The following GSTP1 variants were observed in gnomAD, a reference collection of about 807,000 sequenced individuals.
GSTP1 encodes glutathione S-transferase pi 1, also known as glutathione S-transferase P.
A neutral mutation model predicts 29.4 loss-of-function variants in GSTP1; 28 were observed. That is an observed-to-expected ratio of 0.95 (90% CI 0.71 to 1.30). GSTP1 has a LOEUF of 1.30. Ranked by LOEUF, GSTP1 falls within the 50% of genes most tolerant of loss-of-function variation. The pLI, the probability that GSTP1 is intolerant of heterozygous loss-of-function variation, is 0.00. For synonymous variants in GSTP1, 122 were observed against 117.0 expected, an observed-to-expected ratio of 1.04 and a Z score of -0.28; for missense variants, 267 against 266.1, an observed-to-expected ratio of 1.00 and a Z score of -0.02.
Position 67,586,045 on chromosome 11 carries a change from G to A in GSTP1, c.337-59G>A. On this transcript the variant is annotated intron_variant, in intron 5 of 6. Transcript: ENST00000398606. ...TCTGGTGTCTGGCCTGGGGCAGACG[G>A]GGGTGTCTCAGGGGCTGGGAGGGAT... 2.3e-6 allele frequency: 3 copies of A among 1,284,302 alleles called. No homozygotes were observed. In the South Asian group the frequency reaches 3.6e-5, roughly 16 times the overall value. 79.6% of individuals were successfully genotyped at this position (1,284,302 alleles called of 1,614,324 possible). A position where few individuals can be genotyped will look rare whatever the true frequency, so the allele number is the denominator to read the frequency against.
At position 67,586,625 on chromosome 11, in the gene GSTP1, C is replaced by T; in HGVS notation, c.*48C>T. On this transcript the variant is annotated 3_prime_UTR_variant, in exon 7 of 7. Transcript: ENST00000398606. ...GAGGCAGAGTTTGCCTTCCTTTCTC[C>T]AGGACCAATAAAATTTCTAAGAGAG... is the stretch of plus-strand genomic sequence containing the variant. 1 of 1,492,614 alleles carries T rather than the reference C, an allele frequency of 6.7e-7. No homozygotes were observed. The highest frequency in any genetic ancestry group is 9.2e-7 in the Non-Finnish European group (1 of 1,089,422). The allele number at this position is 1,492,614 out of a possible 1,614,324, so 92.5% of individuals were successfully genotyped here.
Position 67,584,175 on chromosome 11 carries a change from A to T in GSTP1, c.37+6A>T, listed in dbSNP as rs1867425908. On this transcript the variant is annotated splice_donor_region_variant and intron_variant, in intron 2 of 6. Coordinates refer to ENST00000398606, the MANE Select transcript of GSTP1 (RefSeq NM_000852.4). ...GGTCTATTTCCCAGTTCGAGGTAGG[A>T]GCATGTGTCTGGCAGGGAAGGGAGG... The T allele has an allele frequency of 6.2e-7, 1 of 1,610,106 alleles. No individual in the cohort carries two copies. Among genetic ancestry groups the T allele is most frequent in the Non-Finnish European group, 8.5e-7 (1 of 1,176,588 alleles).
chr11:67,584,235 C>G, intron 2 of GSTP1, 66 bp downstream of exon 2: 1 of 1,298,246 alleles, frequency 7.7e-7, no homozygotes, highest in Non-Finnish European at 1.1e-6. Context: ...GCCCCTCGCC[C>G]ACCCGGAGAG....
Position 67,585,153 on chromosome 11 carries a change from A to AC in GSTP1, c.250dup (p.Gln84ProfsTer12). 6.2e-7 allele frequency: 1 copy of AC among 1,612,050 alleles called. No homozygotes were observed. On this transcript the variant is annotated frameshift_variant, in exon 5 of 7. Coordinates refer to ENST00000398606, the MANE Select transcript of GSTP1 (RefSeq NM_000852.4). LOFTEE classifies it high-confidence loss of function. ...CCAACCCCAGGGCTCTATGGGAAGG[A>AC]CCAGCAGGAGGCAGCCCTGGTGGAC...
chr11:67,586,472 G>A lies in GSTP1; in HGVS notation c.528G>A (p.Leu176=). Residue 176 remains leucine (L), a synonymous_variant, in exon 7 of 7, where the codon CTG becomes CTA. Transcript: ENST00000398606. Reference sequence around the variant, plus strand: ...CTGGCTGCCTGGATGCGTTCCCCCTGCTCTCAGCATATGTGGGGCGCCTCA... The same window carrying A: ...CTGGCTGCCTGGATGCGTTCCCCCTACTCTCAGCATATGTGGGGCGCCTCA... ...LAPGCLDAFP[L]LSAYVGRLSA... The A allele has an allele frequency of 6.2e-7, 1 of 1,614,180 alleles. No homozygotes were observed. Among genetic ancestry groups the A allele is most frequent in the South Asian group, 1.1e-5 (1 of 91,072 alleles).
chr11:67,584,556 C>A lies in GSTP1; in HGVS notation c.130C>A (p.Leu44Ile). The change falls in exon 3 of 7, where the codon CTC (leucine) becomes ATC (isoleucine). Residue 44 changes from leucine (L) to isoleucine (I), a missense_variant. Leu to Ile is a conservative substitution (Grantham distance 5, BLOSUM62 2). Coordinates refer to ENST00000398606, the MANE Select transcript of GSTP1 (RefSeq NM_000852.4). Reference sequence around the variant, plus strand: ...CGTGGAGACGTGGCAGGAGGGCTCACTCAAAGCCTCCTGCGTAAGTGACCA... The same window carrying A: ...CGTGGAGACGTGGCAGGAGGGCTCAATCAAAGCCTCCTGCGTAAGTGACCA... Reference protein sequence around the residue: ...VTVETWQEGSLKASCLYGQLP... With the variant: ...VTVETWQEGSIKASCLYGQLP... 1 of 1,600,440 alleles carries A rather than the reference C, an allele frequency of 6.2e-7. No homozygotes were observed. Among genetic ancestry groups the A allele is most frequent in the East Asian group, 2.2e-5 (1 of 44,526 alleles).
Position 67,583,852 on chromosome 11 carries a change from C to T in GSTP1, c.1+8C>T, listed in dbSNP as rs757695491. The T allele has an allele frequency of 1.9e-5, 14 of 746,300 alleles. No homozygotes were observed. Among genetic ancestry groups the T allele is most frequent in the Non-Finnish European group, 2.2e-5 (9 of 404,608 alleles). The allele number at this position is 746,300 out of a possible 1,614,324, so 46.2% of individuals were successfully genotyped here. ...CCGCAGTCTTCGCCACCAGTGAGTA[C>T]GCGCGGCCCGCGTCCCCGGGGATGG... is the stretch of plus-strand genomic sequence containing the variant. On this transcript the variant is annotated splice_region_variant and intron_variant, in intron 1 of 6. Transcript: ENST00000398606.
At position 67,586,519 on chromosome 11, in the gene GSTP1, C is replaced by A. The variant is rs773696694; in HGVS notation, c.575C>A (p.Ala192Asp). 6.8e-6 allele frequency: 11 copies of A among 1,614,048 alleles called. No individual in the cohort carries two copies. The African/African-American group carries it at 1.3e-4, about 20-fold the overall frequency. Residue 192 changes from alanine to aspartate, a missense_variant, in exon 7 of 7, where the codon GCC becomes GAC. Ala to Asp is a moderately radical substitution (Grantham distance 126, BLOSUM62 -2). Coordinates refer to ENST00000398606, the MANE Select transcript of GSTP1 (RefSeq NM_000852.4). Reference sequence around the variant, plus strand: ...CTCAGTGCCCGGCCCAAGCTCAAGGCCTTCCTGGCCTCCCCTGAGTACGTG... The same window carrying A: ...CTCAGTGCCCGGCCCAAGCTCAAGGACTTCCTGGCCTCCCCTGAGTACGTG... ...GRLSARPKLK[A>D]FLASPEYVNL...
chr11:67,586,515 A>G lies in GSTP1; in HGVS notation c.571A>G (p.Lys191Glu). ...VGRLSARPKL[K>E]AFLASPEYVN... is the part of the protein sequence containing the mutation. ...GCGCCTCAGTGCCCGGCCCAAGCTC[A>G]AGGCCTTCCTGGCCTCCCCTGAGTA... The change falls in exon 7 of 7, where the codon AAG becomes GAG. Residue 191 changes from lysine (K) to glutamate (E), a missense_variant. Physicochemically the swap from Lys to Glu is moderately conservative, Grantham distance 56. Coordinates refer to ENST00000398606, the MANE Select transcript of GSTP1 (RefSeq NM_000852.4). 7 of 1,614,180 alleles carry G rather than the reference A, an allele frequency of 4.3e-6. No homozygotes were observed. Among genetic ancestry groups the G allele is most frequent in the South Asian group, 1.1e-5 (1 of 91,084 alleles).
Position 67,584,531 on chromosome 11 carries a change from C to G in GSTP1, c.105C>G (p.Thr35=), listed in dbSNP as rs966829927. 2.5e-6 allele frequency: 4 copies of G among 1,592,654 alleles called. No homozygotes were observed. The Admixed American group carries it at 5.4e-5, about 22-fold the overall frequency. The part of the protein sequence containing the change: ...QGQSWKEEVV[T]VETWQEGSLK... ...AGAGCTGGAAGGAGGAGGTGGTGAC[C>G]GTGGAGACGTGGCAGGAGGGCTCAC... The change falls in exon 3 of 7, where the codon ACC becomes ACG. Residue 35 remains threonine (T), a synonymous_variant. Transcript: ENST00000398606.
At chr11:67,585,678 CAT>C (rs1565218756) in intron 5 of GSTP1, among the ~76,000 whole-genome samples, 6 of 122,940 alleles carry the variant, frequency 4.9e-5, no homozygotes, top group African/African-American at 2.0e-4. Context: ...CGTGCGTGTG[CAT>C]GTGTGTGCGT....
Position 67,586,227 on chromosome 11 carries a change from C to T in GSTP1, c.444+16C>T, listed in dbSNP as rs374575403. 59 of 1,582,342 alleles carry T rather than the reference C, an allele frequency of 3.7e-5. No homozygotes were observed. Among genetic ancestry groups the T allele is most frequent in the Non-Finnish European group, 4.9e-5 (57 of 1,151,746 alleles). ...GGGAGACCAGGTGAGCATCTGGCCC[C>T]ATGCTGTTCCTTCCTCGCCACCCTC... On this transcript the variant is annotated intron_variant, in intron 6 of 6. Transcript: ENST00000398606.
chr11:67,586,314 T>C, intron 6 of GSTP1, 75 bp from the exon 7 acceptor site: 2 of 1,537,658 alleles, frequency 1.3e-6, no homozygotes, highest in Non-Finnish European at 1.8e-6. Context: ...ACCTAGGGGA[T>C]GGGCTTAGGC....
Position 67,586,463 on chromosome 11 carries a change from G to GT in GSTP1, c.521dup (p.Leu176ProfsTer23), listed in dbSNP as rs1565219085. The GT allele has an allele frequency of 6.2e-7, 1 of 1,614,142 alleles. No homozygotes were observed. The highest frequency in any genetic ancestry group is 1.7e-5 in the Admixed American group (1 of 60,010). On this transcript the variant is annotated frameshift_variant, in exon 7 of 7. Coordinates refer to ENST00000398606, the MANE Select transcript of GSTP1 (RefSeq NM_000852.4). LOFTEE classifies it high-confidence loss of function. ...TCCTAGCCCCTGGCTGCCTGGATGC[G>GT]TTCCCCCTGCTCTCAGCATATGTGG...
intron 1 of GSTP1, 59 bp downstream of exon 1, chr11:67,583,903 A>C: frequency 1.4e-6 from 1 of 699,574 alleles, no homozygotes; most frequent in Middle Eastern, 3.7e-4. Context: ...GCATGGGGCC[A>C]ACCCGCAGCA....
Position 67,586,378 on chromosome 11 carries a change from C to T in GSTP1, c.445-11C>T. 6.2e-7 allele frequency: 1 copy of T among 1,607,832 alleles called. No homozygotes were observed. Among genetic ancestry groups the T allele is most frequent in the Non-Finnish European group, 8.5e-7 (1 of 1,175,952 alleles). On this transcript the variant is annotated splice_polypyrimidine_tract_variant and intron_variant, in intron 6 of 6. Transcript: ENST00000398606. ...CCCGCTGGCTGAGTCCCTGGCCCCC[C>T]TGCCCTGCAGATCTCCTTCGCTGAC...
At position 67,586,425 on chromosome 11, in the gene GSTP1, C is replaced by T. The variant is rs113351578; in HGVS notation, c.481C>T (p.Leu161=). The T allele has an allele frequency of 3.9e-5, 63 of 1,614,138 alleles. 3 individuals carry two copies. In the African/African-American group the frequency reaches 4.0e-4, roughly 10 times the overall value. The change falls in exon 7 of 7, where the codon CTG becomes TTG. Residue 161 remains leucine, a synonymous_variant. Coordinates refer to ENST00000398606, the MANE Select transcript of GSTP1 (RefSeq NM_000852.4). ...TGACTACAACCTGCTGGACTTGCTGCTGATCCATGAGGTCCTAGCCCCTGG... is the reference window on the plus strand; with the variant it reads ...TGACTACAACCTGCTGGACTTGCTGTTGATCCATGAGGTCCTAGCCCCTGG... ...FADYNLLDLL[L]IHEVLAPGCL...
chr11:67,584,491 TGGCAGATCA>T lies in GSTP1; in HGVS notation c.68_76del (p.Ala23_Gln25del). 2 of 1,558,810 alleles carry T rather than the reference TGGCAGATCA, an allele frequency of 1.3e-6. No individual in the cohort carries two copies. Among genetic ancestry groups the T allele is most frequent in the Non-Finnish European group, 1.7e-6 (2 of 1,152,030 alleles). On this transcript the variant is annotated inframe_deletion, in exon 3 of 7. Transcript: ENST00000398606. ...CGCTGCGCGGCCCTGCGCATGCTGC[TGGCAGATCA>T]GGGCCAGAGCTGGAAGGAGGAGGTG...
intron 6 of GSTP1, 55 bp downstream of exon 6, chr11:67,586,266 A>AGGCT: frequency 2.0e-6 from 3 of 1,531,444 alleles, no homozygotes; most frequent in Non-Finnish European, 2.7e-6. Context: ...TTCCAGATGG[A>AGGCT]CACAGGTGTG....
Sources: allele counts gnomAD v4.1 joint callset (sites outside exome capture counted in the v4.1 genomes callset), GRCh38; gene constraint gnomAD v4.1.1; transcripts MANE v1.5; gene names NCBI Gene and HGNC (gene_info 2026-07-23, HGNC 2026-07-21).